The following NRDC variants were observed in gnomAD, a reference collection of about 807,000 sequenced individuals.
NRDC encodes nardilysin.
NRDC carries 54 observed loss-of-function variants against 147.1 expected under a neutral mutation model. The ratio of observed to expected loss-of-function variants is 0.37; its 90% CI spans 0.29 to 0.46. The LOEUF (loss-of-function observed/expected upper bound fraction) is 0.46. Ranked by LOEUF, NRDC falls within the 20% of genes least tolerant of loss-of-function variation. NRDC has a pLI of 1.00. For synonymous variants in NRDC, 440 were observed against 482.1 expected (o/e 0.91, Z 1.14); for missense variants, 1,082 against 1,370.6 (o/e 0.79, Z 3.33).
chr1:51,800,432 G>C (rs992441748), intron 21 of NRDC, 124 bp downstream of exon 21: 5 of 1,103,534 alleles, frequency 4.5e-6, no homozygotes, highest in African/African-American at 3.1e-5. Context: ...TCCTAAACTA[G>C]AGCACGATTC....
chr1:51,875,833 A>G (rs1296245428), intron 1 of NRDC, among the ~76,000 whole-genome samples: 1 of 151,940 alleles, frequency 6.6e-6, no homozygotes, highest in Non-Finnish European at 1.5e-5. Flanking sequence ...GATTACAGGC[A>G]TGAGCCACCA....
intron 1 of NRDC, among the ~76,000 whole-genome samples, chr1:51,851,437 A>G (rs1033401798): frequency 4.0e-5 from 6 of 151,318 alleles, no homozygotes; most frequent in East Asian, 2.0e-4. Context: ...CAAACCTTTA[A>G]TGCCTTGTCC....
chr1:51,847,086 A>AAG (rs1463300864), intron 1 of NRDC, among the ~76,000 whole-genome samples: 1 of 151,948 alleles, frequency 6.6e-6, no homozygotes, highest in Non-Finnish European at 1.5e-5. Context: ...CCAAGTCCCC[A>AAG]CCAGATCAGC....
At chr1:51,848,378 G>T (rs1364147544) in intron 1 of NRDC, among the ~76,000 whole-genome samples, 1 of 152,170 alleles carries the variant, frequency 6.6e-6, no homozygotes, top group African/African-American at 2.4e-5. Context: ...CTACTCAGGA[G>T]GCTGGGGCAG....
Position 51,878,176 on chromosome 1 carries a change from T to C in NRDC, c.341+99A>G, listed in dbSNP as rs528505949. On this transcript the variant is annotated intron_variant, in intron 1 of 30. Coordinates refer to ENST00000352171, the MANE Select transcript of NRDC (RefSeq NM_001101662.2). ...AGCATTTGGGGTGGAAAGTGTGCCCTGTTGCTCCATTGGGAGACATGGAGA... is the reference window on the plus strand; with the variant it reads ...AGCATTTGGGGTGGAAAGTGTGCCCCGTTGCTCCATTGGGAGACATGGAGA... 4.8e-6 allele frequency: 7 copies of C among 1,458,484 alleles called. No homozygotes were observed. In the East Asian group the frequency reaches 1.6e-4, roughly 34 times the overall value. 90.3% of individuals were successfully genotyped at this position (1,458,484 alleles called of 1,614,324 possible).
intron 18 of NRDC, among the ~76,000 whole-genome samples, chr1:51,806,503 T>A (rs2149197247): frequency 6.6e-6 from 1 of 152,212 alleles, no homozygotes; most frequent in South Asian, 2.1e-4. Context: ...ACAGTATAAA[T>A]CTGGTAGATA....
chr1:51,866,483 T>C (rs72663157), intron 1 of NRDC, among the ~76,000 whole-genome samples: 6,855 of 152,170 alleles, frequency 0.045, 186 homozygotes, highest in Middle Eastern at 0.065. Flanking sequence ...TCCTCTGAAA[T>C]GCTAGAAACA....
chr1:51,857,014 T>C (rs1001609681), intron 1 of NRDC, among the ~76,000 whole-genome samples: 1 of 151,998 alleles, frequency 6.6e-6, no homozygotes, highest in East Asian at 1.9e-4. Context: ...ACACCCAACA[T>C]TGTAACAAAA....
chr1:51,869,743 A>C (rs907785014), intron 1 of NRDC, among the ~76,000 whole-genome samples: 5 of 152,244 alleles, frequency 3.3e-5, no homozygotes, highest in Non-Finnish European at 7.3e-5. Context: ...CAATATATAA[A>C]CAGTAATAGC....
At chr1:51,802,858 T>C (rs182521260) in intron 20 of NRDC, among the ~76,000 whole-genome samples, 337 of 152,296 alleles carry the variant, frequency 2.2e-3, no homozygotes, top group Non-Finnish European at 3.8e-3. Context: ...TAATATAATA[T>C]ATATTCTACC....
At chr1:51,828,718 CTT>C (rs34609463) in intron 4 of NRDC, among the ~76,000 whole-genome samples, 7 of 136,412 alleles carry the variant, frequency 5.1e-5, no homozygotes, top group Non-Finnish European at 4.7e-5. Flanking sequence ...GTTTAGTAAA[CTT>C]TTTTTTTTTT....
intron 4 of NRDC, among the ~76,000 whole-genome samples, chr1:51,831,059 T>C (rs771544154): frequency 2.0e-5 from 3 of 152,220 alleles, no homozygotes; most frequent in Non-Finnish European, 2.9e-5. Flanking sequence ...TTTGATATTC[T>C]CATTAATTTA....
At chr1:51,832,653 ACT>A (rs1680772837) in intron 4 of NRDC, among the ~76,000 whole-genome samples, 1 of 152,130 alleles carries the variant, frequency 6.6e-6, no homozygotes, top group African/African-American at 2.4e-5. Context: ...TCCGGGGTAG[ACT>A]TTGGTCTGCA....
At chr1:51,790,007 A>G (rs1435924267) in intron 29 of NRDC, among the ~76,000 whole-genome samples, 1 of 152,190 alleles carries the variant, frequency 6.6e-6, no homozygotes, top group Non-Finnish European at 1.5e-5. Context: ...CTATTAAGAA[A>G]ACTAAAATGT....
intron 28 of NRDC, 87 bp downstream of exon 28, chr1:51,790,813 C>T (rs1678594299): frequency 2.5e-6 from 3 of 1,187,658 alleles, no homozygotes; most frequent in Admixed American, 2.1e-5. Context: ...CTGCAAAGCT[C>T]AAAAACTGGC....
chr1:51,830,493 T>C (rs1680659055), intron 4 of NRDC, among the ~76,000 whole-genome samples: 1 of 152,204 alleles, frequency 6.6e-6, no homozygotes, highest in Admixed American at 6.5e-5. Context: ...GCCTTATGTT[T>C]GCTTCTCCCA....
At chr1:51,846,545 T>TTGGAG (rs1681608365) in intron 1 of NRDC, among the ~76,000 whole-genome samples, 1 of 152,240 alleles carries the variant, frequency 6.6e-6, no homozygotes, top group Non-Finnish European at 1.5e-5. Context: ...AGCGGCTTGT[T>TTGGAG]TGGAGTTTGT....
At position 51,877,046 on chromosome 1, in the gene NRDC, G is replaced by T. The variant is rs138079977; in HGVS notation, c.341+1229C>A. On this transcript the variant is annotated intron_variant, in intron 1 of 30. Coordinates refer to ENST00000352171, the MANE Select transcript of NRDC (RefSeq NM_001101662.2). ...CACTAAAAATACAAAAAATTAGCCG[G>T]GCGTGGTGGCGAGCACCTGTAGTCC... 9.0e-3 allele frequency among the ~76,000 whole-genome samples: 1,364 copies of T among 152,238 alleles called. 34 individuals carry two copies. In the South Asian group the frequency reaches 0.095, roughly 11 times the overall value.
At chr1:51,850,823 A>T (rs146144854) in intron 1 of NRDC, among the ~76,000 whole-genome samples, 2 of 152,336 alleles carry the variant, frequency 1.3e-5, no homozygotes, top group African/African-American at 2.4e-5. Context: ...AGGGGAGGTC[A>T]GAATTTAAGG....
Sources: allele counts gnomAD v4.1 joint callset (sites outside exome capture counted in the v4.1 genomes callset), GRCh38; gene constraint gnomAD v4.1.1; transcripts MANE v1.5; gene names NCBI Gene and HGNC (gene_info 2026-07-23, HGNC 2026-07-21).